The following ZSCAN5C variants were observed in gnomAD, a reference collection of about 807,000 sequenced individuals.
ZSCAN5C encodes zinc finger and SCAN domain containing 5C.
A neutral mutation model predicts 17.3 loss-of-function variants in ZSCAN5C; 11 were observed. The observed-to-expected ratio is 0.64, with a 90% CI of 0.40 to 1.06. The LOEUF is 1.06. Among genes scored for constraint, ZSCAN5C ranks in the 50% least tolerant of loss-of-function variants. ZSCAN5C has a pLI of 0.00. For missense variants in ZSCAN5C, 698 were observed against 538.9 expected (o/e 1.30, Z -2.92); for synonymous variants, 229 against 208.4 (o/e 1.10, Z -0.85).
intron 4 of ZSCAN5C, 119 bp from the exon 5 acceptor site, chr19:56,208,330 A>G: frequency 2.7e-6 from 2 of 747,842 alleles, no homozygotes; most frequent in Admixed American, 2.6e-5. Context: ...CCTACAGTCC[A>G]ATGTCTTAGG....
At chr19:56,203,081 G>A (rs531068512) in intron 1 of ZSCAN5C, among the ~76,000 whole-genome samples, 8 of 151,942 alleles carry the variant, frequency 5.3e-5, no homozygotes, top group African/African-American at 1.9e-4. Context: ...AACTGACAGC[G>A]AATACAAAGT....
exon 5 of ZSCAN5C, chr19:56,208,792 C>G: frequency 6.3e-7 from 1 of 1,578,792 alleles, no homozygotes; most frequent in South Asian, 1.1e-5. Context: ...GTGAGGTGTG[C>G]GGCAAGAGGT....
chr19:56,208,790 TGCGGCAAGAGGTTTAAGTATC>T, exon 5 of ZSCAN5C: 1 of 1,584,914 alleles, frequency 6.3e-7, no homozygotes. Context: ...ATGTGAGGTG[TGCGGCAAGAGGTTTAAGTATC>T]GCGGCAAGTT....
In ZSCAN5C at chr19:56,208,963, G is replaced by A. The variant is rs752326680; in HGVS notation, c.1254G>A (p.Gln418=). The change falls in exon 5 of 5, where the codon CAG becomes CAA. Residue 418 remains glutamine, a synonymous_variant. Coordinates refer to ENST00000534327, the Ensembl canonical transcript of ZSCAN5C. ...GGCCCTACACGTGTGACATCTGCCAGAAGCAGTTCACCCAGAAGTCCTACT... is the reference window on the plus strand; with the variant it reads ...GGCCCTACACGTGTGACATCTGCCAAAAGCAGTTCACCCAGAAGTCCTACT... The A allele has an allele frequency of 1.9e-6, 3 of 1,613,548 alleles. No homozygotes were observed. The South Asian group carries it at 3.3e-5, about 18-fold the overall frequency.
chr19:56,209,030 G>A (rs770906696), exon 5 of ZSCAN5C: 3 of 1,612,188 alleles, frequency 1.9e-6, no homozygotes, highest in South Asian at 1.1e-5. Context: ...GAAGCCCTTC[G>A]AATGTAAAGA....
At chr19:56,209,432 A>G, downstream of ZSCAN5C, 1 of 454,366 alleles carries the variant, frequency 2.2e-6, no homozygotes, top group Non-Finnish European at 3.8e-6. Flanking sequence ...TGTTCTTTCA[A>G]TAAACATCTT....
Position 56,206,221 on chromosome 19 carries a change from T to G in ZSCAN5C, c.308T>G (p.Leu103Ter). The change falls in exon 2 of 5, where the codon TTA becomes TGA. Residue 103 changes from leucine to a stop codon, truncating the protein, a stop_gained. Coordinates refer to ENST00000534327, the Ensembl canonical transcript of ZSCAN5C. LOFTEE classifies it high-confidence loss of function. ...TCCATGCCCCAGGAGCTCCAGGTCT[T>G]AGTCATGATGAACGGTGTGCAGAGC... 3.2e-6 allele frequency: 5 copies of G among 1,582,224 alleles called. No homozygotes were observed. Among genetic ancestry groups the G allele is most frequent in the Non-Finnish European group, 4.3e-6 (5 of 1,159,714 alleles).
rs961233846 is a variant in ZSCAN5C at position 56,204,556 on chromosome 19, T to C, written c.-127-1231T>C. Among the ~76,000 whole-genome samples, 20 of 151,140 alleles carry C rather than the reference T, an allele frequency of 1.3e-4. No individual in the cohort carries two copies. The Middle Eastern group carries it at 0.01, about 77-fold the overall frequency. On this transcript the variant is annotated intron_variant, in intron 1 of 4. Coordinates refer to ENST00000534327, the Ensembl canonical transcript of ZSCAN5C. ...GCCTTAAGCCCCTCTAGTGGGTTGT[T>C]TTCTCGCTCTGGAGGAGTTTGAGTT...
At chr19:56,209,148 C>A (rs549862451) in exon 5 of ZSCAN5C, 5 of 1,393,710 alleles carry the variant, frequency 3.6e-6, no homozygotes, top group South Asian at 2.4e-5. Context: ...TTCGGTCGGC[C>A]GGCGACCTTA....
At chr19:56,209,146 G>C in exon 5 of ZSCAN5C, 1 of 1,404,882 alleles carries the variant, frequency 7.1e-7, no homozygotes, top group Non-Finnish European at 1.0e-6. Context: ...CCTTCGGTCG[G>C]CCGGCGACCT....
intron 4 of ZSCAN5C, 91 bp downstream of exon 4, chr19:56,208,275 T>C (rs752595652): frequency 1.3e-4 from 87 of 662,194 alleles, no homozygotes; most frequent in Non-Finnish European, 2.0e-4. Flanking sequence ...CTGGGGGAGT[T>C]GGCACTCAGC....
exon 5 of ZSCAN5C, chr19:56,209,109 C>T: frequency 6.4e-7 from 1 of 1,574,684 alleles, no homozygotes; most frequent in Non-Finnish European, 8.7e-7. Context: ...GGAGAGAAAC[C>T]CCACAAATGT....
intron 1 of ZSCAN5C, among the ~76,000 whole-genome samples, 152 bp downstream of exon 1, chr19:56,202,474 C>T (rs1476897550): frequency 6.6e-6 from 1 of 151,812 alleles, no homozygotes; most frequent in Non-Finnish European, 1.5e-5. Context: ...ATGCATTTGC[C>T]CGGACACCTT....
exon 5 of ZSCAN5C, chr19:56,208,948 G>A (rs756658596): frequency 1.5e-5 from 25 of 1,613,354 alleles, no homozygotes; most frequent in Admixed American, 3.3e-5. Context: ...GGCCCTACAC[G>A]TGTGACATCT....
rs2032954931 is a variant in ZSCAN5C, at chr19:56,208,765, A to AT, written c.1056_1057insT (p.Leu353SerfsTer7). 2.5e-6 allele frequency: 4 copies of AT among 1,602,254 alleles called. No homozygotes were observed. The Admixed American group carries it at 6.7e-5, about 27-fold the overall frequency. ...ACCCCAGTGGCCAAGAAGTCAAGGAACTGCTGCCCTTTGCATGTGAGGTGT... is the reference window on the plus strand; with the variant it reads ...ACCCCAGTGGCCAAGAAGTCAAGGAATCTGCTGCCCTTTGCATGTGAGGTGT... On this transcript the variant is annotated frameshift_variant, in exon 5 of 5. Transcript: ENST00000534327. LOFTEE classifies it low-confidence loss of function (END_TRUNC).
chr19:56,207,903 A>G (rs2032941763), intron 3 of ZSCAN5C, 131 bp from the exon 4 acceptor site: 1 of 606,310 alleles, frequency 1.6e-6, no homozygotes, highest in South Asian at 2.0e-5. Context: ...AAATATGCCC[A>G]GAGAACCAAA....
chr19:56,207,037 A>T (rs1470737752), intron 2 of ZSCAN5C, 22 bp from the exon 3 acceptor site: 1 of 702,646 alleles, frequency 1.4e-6, no homozygotes. Context: ...AGTTAGTCTG[A>T]TTGCTTTTTT....
At position 56,208,624 on chromosome 19, in the gene ZSCAN5C, C is replaced by T. The variant is rs758535690; in HGVS notation, c.915C>T (p.Thr305=). 2.9e-5 allele frequency: 47 copies of T among 1,608,666 alleles called. No homozygotes were observed. In the East Asian group the frequency reaches 5.8e-4, roughly 20 times the overall value. Residue 305 remains threonine, a synonymous_variant, in exon 5 of 5, where the codon ACC becomes ACT. Coordinates refer to ENST00000534327, the Ensembl canonical transcript of ZSCAN5C. ...TCAAAAGAAGCAAACCAGACGCCAC[C>T]TCCATTTCCCAAGAAGAGCCTCAAG...
rs749573701 is a variant in ZSCAN5C at position 56,207,276 on chromosome 19, G to A, written c.588+14G>A. The A allele has an allele frequency of 1.2e-5, 9 of 770,196 alleles. No individual in the cohort carries two copies. Among genetic ancestry groups the A allele is most frequent in the East Asian group, 2.4e-5 (1 of 40,932 alleles). The allele number at this position is 770,196 out of a possible 1,614,324, so 47.7% of individuals were successfully genotyped here. On this transcript the variant is annotated intron_variant, in intron 3 of 4. Transcript: ENST00000534327. ...TTCAGGAGGCAGGTGGGTGTGTGAG[G>A]CCTTGGTGTCTGGGCAGAGGTGGGA... is the stretch of plus-strand genomic sequence containing the variant.
Sources: allele counts gnomAD v4.1 joint callset (sites outside exome capture counted in the v4.1 genomes callset), GRCh38; gene constraint gnomAD v4.1.1; transcripts MANE v1.5; gene names NCBI Gene and HGNC (gene_info 2026-07-23, HGNC 2026-07-21).